Variants in ABHD5 observed in about 807,000 individuals in gnomAD.
ABHD5 encodes the protein abhydrolase domain containing 5, lysophosphatidic acid acyltransferase.
In ABHD5, 30 loss-of-function variants were observed where a neutral mutation model predicts 44.9. That is an observed-to-expected ratio of 0.67 (90% CI 0.50 to 0.91). The LOEUF is 0.91. Among genes scored for constraint, ABHD5 ranks in the 40% least tolerant of loss-of-function variants. The pLI, the probability that ABHD5 is intolerant of heterozygous loss-of-function variation, is 0.00. For synonymous variants in ABHD5, 167 were observed against 147.0 expected (o/e 1.14, Z -0.99); for missense variants, 399 against 423.4 (o/e 0.94, Z 0.50).
At chr3:43,717,631 C>T (rs2084782844) in intron 5 of ABHD5, 40 bp from the exon 6 acceptor site, 2 of 1,608,686 alleles carry the variant, frequency 1.2e-6, no homozygotes, top group African/African-American at 2.7e-5. Context: ...ATACTCATTC[C>T]CAAAAATCAT....
chr3:43,718,646 C>G lies in ABHD5; in HGVS notation c.*114C>G. 1 of 995,792 alleles carries G rather than the reference C, an allele frequency of 1.0e-6. No individual in the cohort carries two copies. Among genetic ancestry groups the G allele is most frequent in the Non-Finnish European group, 1.6e-6 (1 of 628,830 alleles). 61.7% of individuals were successfully genotyped at this position (995,792 alleles called of 1,614,324 possible). A position where few individuals can be genotyped will look rare whatever the true frequency, so the allele number is the denominator to read the frequency against. ...ACACACAACCAGGCAGCCTTCTTGA[C>G]TATACTTTGCACATGTTTTCTTTAG... On this transcript the variant is annotated 3_prime_UTR_variant, in exon 7 of 7. Transcript: ENST00000644371.
chr3:43,691,141 TGGCGACGACGG>T (rs1305591549), intron 1 of ABHD5, 102 bp downstream of exon 1: 1 of 1,185,284 alleles, frequency 8.4e-7, no homozygotes, highest in Non-Finnish European at 1.1e-6. Context: ...GCCGCCCGCC[TGGCGACGACGG>T]GCGGCTTCCT....
At position 43,718,581 on chromosome 3, in the gene ABHD5, A is replaced by G. The variant is rs766062556; in HGVS notation, c.*49A>G. On this transcript the variant is annotated 3_prime_UTR_variant, in exon 7 of 7. Coordinates refer to ENST00000644371, the MANE Select transcript of ABHD5 (RefSeq NM_016006.6). ...AACCTGGTGACTGATATAGTTGTTC[A>G]GCAATAATTCATAGTCTGTGATGAA... 1 of 1,544,676 alleles carries G rather than the reference A, an allele frequency of 6.5e-7. No homozygotes were observed. The highest frequency in any genetic ancestry group is 2.2e-5 in the East Asian group (1 of 44,502).
intron 1 of ABHD5, among the ~76,000 whole-genome samples, chr3:43,693,142 G>T (rs1225740216): frequency 1.3e-5 from 2 of 152,198 alleles, no homozygotes; most frequent in Non-Finnish European, 2.9e-5. Flanking sequence ...AGTGTCAATT[G>T]AGTTGAGAGA....
In ABHD5 at chr3:43,720,378, G is replaced by T. The variant is rs2084819741; in HGVS notation, c.*1846G>T. The T allele has an allele frequency of 6.6e-6, 1 of 152,130 alleles. No homozygotes were observed. The allele number at this position is 152,130 out of a possible 1,614,324, so 9.4% of individuals were successfully genotyped here. A position where few individuals can be genotyped will look rare whatever the true frequency, so the allele number is the denominator to read the frequency against. ...GAAGAAGTTCCTTCGTTTACTTAGT[G>T]AATGGAGTTTCTGGCCGCAGATGTG... On this transcript the variant is annotated 3_prime_UTR_variant, in exon 7 of 7. Transcript: ENST00000644371.
chr3:43,717,969 T>C lies in ABHD5; in HGVS notation c.960+112T>C. ...TGTTGCAGGTCATCTGAGCCATACC[T>C]GCAGCCTCAGTCGGGGACGTGATAC... On this transcript the variant is annotated intron_variant, in intron 6 of 6. Coordinates refer to ENST00000644371, the MANE Select transcript of ABHD5 (RefSeq NM_016006.6). 3.6e-6 allele frequency: 5 copies of C among 1,405,782 alleles called. No individual in the cohort carries two copies. The East Asian group carries it at 6.9e-5, about 19-fold the overall frequency. The allele number at this position is 1,405,782 out of a possible 1,614,324, so 87.1% of individuals were successfully genotyped here.
downstream of ABHD5, among the ~76,000 whole-genome samples, chr3:43,726,108 G>C (rs1013460854): frequency 3.9e-5 from 6 of 151,946 alleles, no homozygotes; most frequent in Non-Finnish European, 8.8e-5. Context: ...TCGTGATCCG[G>C]CCACCTTGGC....
chr3:43,711,756 C>G lies in ABHD5; in HGVS notation c.554C>G (p.Pro185Arg), dbSNP rs1408281563. ...LVEPWGFPER[P>R]DLADQDRPIP... ...GAGCCTTGGGGTTTCCCTGAACGAC[C>G]AGACCTTGCTGATCAAGACAGACCA... Residue 185 changes from proline (P) to arginine (R), a missense_variant, in exon 4 of 7, where the codon CCA (proline) becomes CGA (arginine). Pro to Arg is a moderately radical substitution (Grantham distance 103, BLOSUM62 -2). Transcript: ENST00000644371. The G allele has an allele frequency of 1.2e-6, 2 of 1,614,026 alleles. No individual in the cohort carries two copies. The highest frequency in any genetic ancestry group is 1.7e-5 in the Admixed American group (1 of 60,000).
chr3:43,715,456 C>T (rs1245691190), intron 5 of ABHD5, among the ~76,000 whole-genome samples: 1 of 152,164 alleles, frequency 6.6e-6, no homozygotes, highest in Admixed American at 6.5e-5. Context: ...AGCCACCGTG[C>T]CCGGCCTTTG....
At chr3:43,711,564 T>A (rs2084688454) in intron 3 of ABHD5, 145 bp from the exon 4 acceptor site, 2 of 867,028 alleles carry the variant, frequency 2.3e-6, no homozygotes, top group Non-Finnish European at 3.7e-6. Flanking sequence ...AATAAGAGCA[T>A]GATACGATCT....
Position 43,690,964 on chromosome 3 carries a change from T to A in ABHD5, c.-29T>A, listed in dbSNP as rs1489849731. 2 of 1,558,542 alleles carry A rather than the reference T, an allele frequency of 1.3e-6. No homozygotes were observed. Among genetic ancestry groups the A allele is most frequent in the South Asian group, 1.2e-5 (1 of 85,864 alleles). Reference sequence around the variant, plus strand: ...GTCGGCCTGTCAGCCGGCTTCGAGATAAGTCCCGGCGCTTGCGCGGCGGCG... The same window carrying A: ...GTCGGCCTGTCAGCCGGCTTCGAGAAAAGTCCCGGCGCTTGCGCGGCGGCG... On this transcript the variant is annotated 5_prime_UTR_variant, in exon 1 of 7. Transcript: ENST00000644371.
chr3:43,707,337 A>T (rs1262036347), intron 3 of ABHD5, among the ~76,000 whole-genome samples: 6 of 152,132 alleles, frequency 3.9e-5, no homozygotes, highest in Non-Finnish European at 7.4e-5. Flanking sequence ...TATCTTGAAT[A>T]CTTTTCTTTT....
upstream of ABHD5, chr3:43,690,932 C>T (rs1008467146): frequency 1.4e-5 from 21 of 1,521,500 alleles, no homozygotes; most frequent in Middle Eastern, 2.0e-4. Flanking sequence ...CAGCCCGGGG[C>T]GGCCCAGTCG....
intron 1 of ABHD5, among the ~76,000 whole-genome samples, chr3:43,693,485 A>G (rs1320910020): frequency 1.3e-5 from 2 of 152,180 alleles, no homozygotes; most frequent in Non-Finnish European, 2.9e-5. Flanking sequence ...AAAAACTGGC[A>G]AGATATGTGC....
intron 5 of ABHD5, among the ~76,000 whole-genome samples, chr3:43,715,743 A>C (rs189710190): frequency 3.9e-5 from 6 of 152,324 alleles, no homozygotes; most frequent in Admixed American, 3.9e-4. Flanking sequence ...GTATTTCCCA[A>C]ACTGAGTATG....
downstream of ABHD5, among the ~76,000 whole-genome samples, chr3:43,726,828 G>A (rs965434561): frequency 6.6e-6 from 1 of 152,122 alleles, no homozygotes; most frequent in Non-Finnish European, 1.5e-5. Flanking sequence ...TGTGTGGGTG[G>A]GGCCTGGGAA....
In ABHD5 at chr3:43,711,709, G is replaced by A; in HGVS notation, c.507G>A (p.Arg169=). ...TTAAATATATTCTTTCCCCCAACAGGGTTAATCATCTCATTTTAGTGGAGC... is the reference window on the plus strand; with the variant it reads ...TTAAATATATTCTTTCCCCCAACAGAGTTAATCATCTCATTTTAGTGGAGC... ...AAAYSLKYPS[R]VNHLILVEPW... Residue 169 remains arginine, a splice_region_variant and synonymous_variant, in exon 4 of 7, where the codon AGG becomes AGA. Coordinates refer to ENST00000644371, the MANE Select transcript of ABHD5 (RefSeq NM_016006.6). 1.2e-6 allele frequency: 2 copies of A among 1,614,036 alleles called. No individual in the cohort carries two copies.
At chr3:43,701,394 C>G (rs1376353694) in intron 2 of ABHD5, among the ~76,000 whole-genome samples, 1 of 152,082 alleles carries the variant, frequency 6.6e-6, no homozygotes, top group Admixed American at 6.5e-5. Context: ...TCTTCAGTGT[C>G]TTGTTTACTG....
At chr3:43,727,152 T>C (rs544179128), downstream of ABHD5, among the ~76,000 whole-genome samples, 13 of 152,184 alleles carry the variant, frequency 8.5e-5, no homozygotes, top group Non-Finnish European at 1.6e-4. Context: ...GTTGGTTTTC[T>C]ACCACAGCTC....
Sources: allele counts gnomAD v4.1 joint callset (sites outside exome capture counted in the v4.1 genomes callset), GRCh38; gene constraint gnomAD v4.1.1; transcripts MANE v1.5; gene names NCBI Gene and HGNC (gene_info 2026-07-23, HGNC 2026-07-21).